Variants in PTPRT observed in about 807,000 individuals in gnomAD.
PTPRT encodes the protein protein tyrosine phosphatase receptor type T.
Under a neutral mutation model 176.8 loss-of-function variants are expected in PTPRT, and 56 were observed. That is an observed-to-expected ratio of 0.32 (90% CI 0.26 to 0.40). The LOEUF (loss-of-function observed/expected upper bound fraction) is 0.40, where lower values mean the gene tolerates loss of function less well. Ranked by LOEUF, PTPRT falls within the 10% of genes least tolerant of loss-of-function variation. The pLI is 1.00. For missense variants in PTPRT, 1,540 were observed against 1,908.2 expected (o/e 0.81, Z 3.60); for synonymous variants, 783 against 739.0 (o/e 1.06, Z -0.96).
At chr20:42,396,608 C>CTA in intron 9 of PTPRT, among the ~76,000 whole-genome samples, 1 of 152,318 alleles carries the variant, frequency 6.6e-6, no homozygotes, top group Middle Eastern at 3.4e-3. Flanking sequence ...GTTGCTTAGG[C>CTA]TATAGTGCAG....
chr20:42,299,082 C>CA (rs139949429), intron 12 of PTPRT, among the ~76,000 whole-genome samples: 4,303 of 150,066 alleles, frequency 0.029, 205 homozygotes, highest in African/African-American at 0.1. Context: ...AAAATTTTCA[C>CA]AAAAAAAAAC....
At chr20:42,519,221 T>C (rs533999897) in intron 7 of PTPRT, among the ~76,000 whole-genome samples, 9 of 152,292 alleles carry the variant, frequency 5.9e-5, no homozygotes, top group African/African-American at 2.2e-4. Flanking sequence ...ATAAATAGAA[T>C]CATACAGCAT....
At chr20:42,136,398 C>T (rs540672299) in intron 18 of PTPRT, among the ~76,000 whole-genome samples, 1 of 152,152 alleles carries the variant, frequency 6.6e-6, no homozygotes, top group East Asian at 1.9e-4. Flanking sequence ...TGCCTGGGTA[C>T]CTCACTGAAG....
At chr20:42,163,181 T>C (rs1989681635) in intron 16 of PTPRT, among the ~76,000 whole-genome samples, 1 of 152,130 alleles carries the variant, frequency 6.6e-6, no homozygotes, top group Non-Finnish European at 1.5e-5. Flanking sequence ...GAGACACTGA[T>C]GGGGTCGTAC....
chr20:42,113,035 C>G (rs1987088058), intron 22 of PTPRT, among the ~76,000 whole-genome samples: 1 of 152,166 alleles, frequency 6.6e-6, no homozygotes, highest in Admixed American at 6.5e-5. Context: ...CAAGGGCAGA[C>G]AGCACTCCCT....
chr20:42,476,892 G>A (rs2071299721), intron 7 of PTPRT, among the ~76,000 whole-genome samples: 1 of 152,196 alleles, frequency 6.6e-6, no homozygotes, highest in Middle Eastern at 3.2e-3. Flanking sequence ...CCATGAATGG[G>A]TCAGTTACAC....
At chr20:42,934,125 G>T (rs530301142) in intron 1 of PTPRT, among the ~76,000 whole-genome samples, 1 of 152,324 alleles carries the variant, frequency 6.6e-6, no homozygotes, top group Non-Finnish European at 1.5e-5. Context: ...AGTGTCAAAA[G>T]GTACTGAGAA....
At chr20:43,026,934 A>G (rs1029933103) in intron 1 of PTPRT, among the ~76,000 whole-genome samples, 2 of 152,152 alleles carry the variant, frequency 1.3e-5, no homozygotes, top group African/African-American at 4.8e-5. Flanking sequence ...ACAGTACTCC[A>G]TTGTGTATAT....
intron 1 of PTPRT, among the ~76,000 whole-genome samples, chr20:42,898,961 G>A (rs188731025): frequency 6.6e-6 from 1 of 152,292 alleles, no homozygotes; most frequent in Non-Finnish European, 1.5e-5. Context: ...CCTGAAAAGT[G>A]GTCCCGCCCA....
rs1327049037 is a variant in PTPRT, at chr20:42,781,130, G to A, written c.487-831C>T. On this transcript the variant is annotated intron_variant, in intron 3 of 30. Coordinates refer to ENST00000373187, the MANE Select transcript of PTPRT (RefSeq NM_007050.6). ...CTCTTGACCTGCTCCTCAGGCTCAC[G>A]TGGTAGCCTGGACCTCTGCTTTTCT... Among the ~76,000 whole-genome samples the A allele has an allele frequency of 2.0e-5, 3 of 149,726 alleles. No homozygotes were observed. In the Admixed American group the frequency reaches 2.0e-4, roughly 10 times the overall value.
chr20:42,183,347 C>T (rs989095802), intron 16 of PTPRT, among the ~76,000 whole-genome samples: 1 of 152,218 alleles, frequency 6.6e-6, no homozygotes, highest in East Asian at 1.9e-4. Context: ...TGGACAGAGA[C>T]GCTAACACCG....
At chr20:43,048,873 T>C (rs1244844574) in intron 1 of PTPRT, among the ~76,000 whole-genome samples, 2 of 152,082 alleles carry the variant, frequency 1.3e-5, no homozygotes, top group Non-Finnish European at 2.9e-5. Flanking sequence ...TTCCTGCAAG[T>C]GACCCTCACG....
rs557805335 is a variant in PTPRT at position 42,360,582 on chromosome 20, A to G, written c.1561-8297T>C. 3.9e-5 allele frequency among the ~76,000 whole-genome samples: 6 copies of G among 152,288 alleles called. No individual in the cohort carries two copies. In the South Asian group the frequency reaches 1.2e-3, roughly 32 times the overall value. ...ACCTTCTTGTTTAATGAGTCTGTCT[A>G]GCAATATTCCCAATGGCTTTTAGTC... On this transcript the variant is annotated intron_variant, in intron 9 of 30. Transcript: ENST00000373187.
intron 1 of PTPRT, among the ~76,000 whole-genome samples, chr20:42,984,123 C>A (rs910734247): frequency 1.2e-4 from 19 of 152,240 alleles, no homozygotes; most frequent in Non-Finnish European, 2.4e-4. Flanking sequence ...TCCACATGTG[C>A]ACAAGCACAC....
At chr20:42,697,104 C>T (rs950624146) in intron 6 of PTPRT, among the ~76,000 whole-genome samples, 3 of 152,120 alleles carry the variant, frequency 2.0e-5, no homozygotes, top group Admixed American at 2.0e-4. Context: ...TAAAAAGGTA[C>T]AAGCGGATGC....
intron 9 of PTPRT, among the ~76,000 whole-genome samples, chr20:42,426,167 C>T (rs1282226114): frequency 6.6e-6 from 1 of 152,140 alleles, no homozygotes; most frequent in African/African-American, 2.4e-5. Flanking sequence ...TAAATGGGAA[C>T]AGGCATTCCT....
At chr20:42,665,595 A>G (rs1291871986) in intron 7 of PTPRT, among the ~76,000 whole-genome samples, 11 of 152,310 alleles carry the variant, frequency 7.2e-5, no homozygotes, top group Non-Finnish European at 1.6e-4. Flanking sequence ...ATTACTGGGT[A>G]TATACCCAAA....
intron 9 of PTPRT, among the ~76,000 whole-genome samples, chr20:42,377,569 T>A (rs1479662352): frequency 6.6e-6 from 1 of 152,232 alleles, no homozygotes. Flanking sequence ...GGATCCTACA[T>A]GGTGTAACGA....
intron 6 of PTPRT, among the ~76,000 whole-genome samples, chr20:42,712,797 A>G (rs954055530): frequency 6.6e-6 from 1 of 152,266 alleles, no homozygotes; most frequent in African/African-American, 2.4e-5. Flanking sequence ...TGCTAAAGAT[A>G]TGCTTGCACA....
Sources: allele counts gnomAD v4.1 joint callset (sites outside exome capture counted in the v4.1 genomes callset), GRCh38; gene constraint gnomAD v4.1.1; transcripts MANE v1.5; gene names NCBI Gene and HGNC (gene_info 2026-07-23, HGNC 2026-07-21).